MYH7B: variants seen among roughly 807,000 people sequenced by gnomAD.
MYH7B encodes myosin heavy chain 7B.
MYH7B carries 205 observed loss-of-function variants against 234.5 expected under a neutral mutation model. The ratio of observed to expected loss-of-function variants is 0.87; its 90% CI spans 0.78 to 0.98. The LOEUF (loss-of-function observed/expected upper bound fraction) is 0.98. Ranked by LOEUF, MYH7B falls within the 50% of genes least tolerant of loss-of-function variation. MYH7B has a pLI of 0.00. For synonymous variants in MYH7B, 1,193 were observed against 1,105.0 expected (o/e 1.08, Z -1.58); for missense variants, 2,652 against 2,633.4 (o/e 1.01, Z -0.15).
At position 35,002,201 on chromosome 20, in the gene MYH7B, C is replaced by G. The variant is rs776204326; in HGVS notation, c.*13C>G. On this transcript the variant is annotated 3_prime_UTR_variant, in exon 45 of 45. Transcript: ENST00000262873. Reference sequence around the variant, plus strand: ...GCACAAGGAGTGACGGCCTGACCCCCTGGGCTCTAAAGAGGAATGTCTGCT... The same window carrying G: ...GCACAAGGAGTGACGGCCTGACCCCGTGGGCTCTAAAGAGGAATGTCTGCT... 5.9e-6 allele frequency: 9 copies of G among 1,524,170 alleles called. No individual in the cohort carries two copies. In the East Asian group the frequency reaches 2.1e-4, roughly 35 times the overall value. 94.4% of individuals were successfully genotyped at this position (1,524,170 alleles called of 1,614,324 possible). A position where few individuals can be genotyped will look rare whatever the true frequency, so the allele number is the denominator to read the frequency against.
At chr20:35,000,629 G>A in exon 39 of MYH7B, 1 of 1,577,584 alleles carries the variant, frequency 6.3e-7, no homozygotes, top group Admixed American at 1.9e-5. Flanking sequence ...AGCGCAGCCG[G>A]CGACTGGCAG....
At position 35,001,534 on chromosome 20, in the gene MYH7B, C is replaced by A; in HGVS notation, c.5676+8C>A. ...CGCCAGTTTGAGGAGGCGGTGAGTG[C>A]GCTGGGGCCTGGACACCTGGACCGG... On this transcript the variant is annotated splice_region_variant and intron_variant, in intron 43 of 44. Coordinates refer to ENST00000262873, the Ensembl canonical transcript of MYH7B. 1.3e-6 allele frequency: 2 copies of A among 1,596,758 alleles called. No homozygotes were observed. The highest frequency in any genetic ancestry group is 1.7e-6 in the Non-Finnish European group (2 of 1,171,844).
chr20:34,957,934 C>T (rs2081657364), intron 1 of MYH7B, among the ~76,000 whole-genome samples, 164 bp from the exon 2 acceptor site: 1 of 152,288 alleles, frequency 6.6e-6, no homozygotes, highest in East Asian at 1.9e-4. Context: ...TTCCTGATGT[C>T]CTTTCCTCGT....
chr20:35,002,015 A>G, exon 44 of MYH7B: 1 of 1,614,042 alleles, frequency 6.2e-7, no homozygotes, highest in Non-Finnish European at 8.5e-7. Context: ...GATGCGGAGG[A>G]GCGGGCAGAC....
intron 2 of MYH7B, among the ~76,000 whole-genome samples, chr20:34,971,162 TG>T (rs2081790402): frequency 6.6e-6 from 1 of 152,172 alleles, no homozygotes; most frequent in African/African-American, 2.4e-5. Flanking sequence ...GGTCATGGCT[TG>T]AATTCACTGT....
intron 13 of MYH7B, 129 bp downstream of exon 13, chr20:34,985,258 GC>G: frequency 2.4e-6 from 2 of 828,388 alleles, no homozygotes; most frequent in Non-Finnish European, 4.0e-6. Flanking sequence ...CCTGGCTGCT[GC>G]CCAGCTCAGG....
intron 43 of MYH7B, 72 bp from the exon 44 acceptor site, chr20:35,001,876 T>TG: frequency 3.2e-6 from 5 of 1,554,848 alleles, no homozygotes; most frequent in Admixed American, 1.9e-5. Context: ...GCTCCCTTCT[T>TG]GGACTGGGGC....
chr20:34,998,103 G>A (rs992211978), intron 32 of MYH7B, among the ~76,000 whole-genome samples, 192 bp from the exon 33 acceptor site: 1 of 152,164 alleles, frequency 6.6e-6, no homozygotes, highest in Non-Finnish European at 1.5e-5. Context: ...GCCCAGCCCT[G>A]TCAGTTCTGA....
At chr20:34,999,656 C>A (rs76211559) in exon 37 of MYH7B, 1 of 1,613,342 alleles carries the variant, frequency 6.2e-7, no homozygotes, top group Admixed American at 1.7e-5. Context: ...CGCTGGAAGG[C>A]GAGAAGAGTG....
chr20:34,965,890 A>G (rs138293642), intron 2 of MYH7B, among the ~76,000 whole-genome samples: 146 of 152,296 alleles, frequency 9.6e-4, no homozygotes, highest in African/African-American at 3.4e-3. Flanking sequence ...GGGTGGGGCT[A>G]CTGTAGATGG....
At chr20:34,980,828 C>A in intron 8 of MYH7B, 94 bp downstream of exon 8, 1 of 1,544,036 alleles carries the variant, frequency 6.5e-7, no homozygotes, top group Non-Finnish European at 8.8e-7. Context: ...TGGCACTGCC[C>A]CCCTTTTGAC....
In MYH7B at chr20:34,988,075, G is replaced by A; in HGVS notation, c.1417-17G>A. ...ATCTGCGAGAGGTCTGCTGAGCCAG[G>A]CCCCTCCCTCTTGTAGTTCAACAGC... On this transcript the variant is annotated splice_polypyrimidine_tract_variant and intron_variant, in intron 18 of 44. Coordinates refer to ENST00000262873, the Ensembl canonical transcript of MYH7B. The A allele has an allele frequency of 1.2e-6, 2 of 1,604,962 alleles. No individual in the cohort carries two copies. Among genetic ancestry groups the A allele is most frequent in the African/African-American group, 1.3e-5 (1 of 74,904 alleles).
intron 10 of MYH7B, among the ~76,000 whole-genome samples, chr20:34,983,044 A>G (rs955659201): frequency 6.6e-6 from 1 of 152,182 alleles, no homozygotes; most frequent in African/African-American, 2.4e-5. Flanking sequence ...TTCTGAAACA[A>G]TGGGGCCAAG....
At chr20:34,995,002 G>A (rs1289883483) in intron 27 of MYH7B, among the ~76,000 whole-genome samples, 6 of 152,196 alleles carry the variant, frequency 3.9e-5, no homozygotes, top group Admixed American at 6.5e-5. Flanking sequence ...GAGCCCGTCC[G>A]TGGCTGTGCA....
rs751284135 is a variant in MYH7B at position 35,000,828 on chromosome 20, GA to G, written c.5240del (p.Glu1747GlyfsTer25). The G allele has an allele frequency of 1.2e-6, 2 of 1,613,940 alleles. No individual in the cohort carries two copies. Among genetic ancestry groups the G allele is most frequent in the Middle Eastern group, 1.7e-4 (1 of 6,058 alleles). On this transcript the variant is annotated frameshift_variant, in exon 40 of 45. Transcript: ENST00000262873. LOFTEE classifies it high-confidence loss of function. ...GGCGGACTTGGCCCAGCTGAGCGGG[GA>G]GGTGGAGGAGGCTGCACAGGAGAGG... is the stretch of plus-strand genomic sequence containing the variant.
intron 16 of MYH7B, 25 bp from the exon 17 acceptor site, chr20:34,987,532 C>G (rs202043508): frequency 6.7e-5 from 101 of 1,497,650 alleles, no homozygotes; most frequent in Middle Eastern, 3.5e-4. Context: ...TGTCCTCCTC[C>G]CTTACCCCAC....
intron 1 of MYH7B, among the ~76,000 whole-genome samples, chr20:34,957,766 A>G (rs1169638792): frequency 6.6e-6 from 1 of 152,232 alleles, no homozygotes. Flanking sequence ...CTAGGATTAC[A>G]GGCGTTAGCC....
At chr20:34,999,718 G>T (rs562063352) in intron 37 of MYH7B, 23 bp downstream of exon 37, 1 of 1,611,766 alleles carries the variant, frequency 6.2e-7, no homozygotes, top group South Asian at 1.1e-5. Context: ...CTGCAGGGGT[G>T]GGTGGACACT....
rs1327421938 is a variant in MYH7B, at chr20:34,981,013, T to TA, written c.500-20_500-19insA. The TA allele has an allele frequency of 2.5e-6, 4 of 1,613,974 alleles. No homozygotes were observed. In the African/African-American group the frequency reaches 5.3e-5, roughly 22 times the overall value. On this transcript the variant is annotated intron_variant, in intron 8 of 44. Transcript: ENST00000262873. ...CCCCACACCTTGGCTGACTTCTCTA[T>TA]CCCCTTCCCTTTCCTCCAGACCGAG...
Sources: allele counts gnomAD v4.1 joint callset (sites outside exome capture counted in the v4.1 genomes callset), GRCh38; gene constraint gnomAD v4.1.1; transcripts MANE v1.5; gene names NCBI Gene and HGNC (gene_info 2026-07-23, HGNC 2026-07-21).